The following KNG1 variants were observed in gnomAD, a reference collection of about 807,000 sequenced individuals.
KNG1 encodes the protein kininogen-1.
Under a neutral mutation model 47.8 loss-of-function variants are expected in KNG1, and 23 were observed. That is an observed-to-expected ratio of 0.48 (90% CI 0.35 to 0.68). KNG1 has a LOEUF of 0.68. Among genes scored for constraint, KNG1 ranks in the 30% least tolerant of loss-of-function variants. The pLI is 0.01. For missense variants in KNG1, 762 were observed against 790.2 expected (o/e 0.96, Z 0.43); for synonymous variants, 277 against 277.0 (o/e 1.00, Z 0.00).
intron 5 of KNG1, among the ~76,000 whole-genome samples, chr3:186,730,798 G>A (rs1374235028): frequency 8.7e-6 from 1 of 115,130 alleles, no homozygotes; most frequent in Non-Finnish European, 1.8e-5. Context: ...AAATTAGTAT[G>A]ATACTTATGA....
intron 5 of KNG1, among the ~76,000 whole-genome samples, chr3:186,730,684 ATATAT>A (rs1342533066): frequency 8.0e-5 from 1 of 12,570 alleles, no homozygotes; most frequent in Non-Finnish European, 1.4e-4. Flanking sequence ...AAAAAAAAAA[ATATAT>A]ATATATATAT....
At chr3:186,737,342 C>T (rs145752365) in intron 7 of KNG1, among the ~76,000 whole-genome samples, 128 of 152,178 alleles carry the variant, frequency 8.4e-4, no homozygotes, top group Non-Finnish European at 1.5e-3. Context: ...TTCATACAGA[C>T]ATTGATTCTA....
chr3:186,743,695 A>G lies in KNG1; in HGVS notation c.*1364A>G. 1.2e-6 allele frequency: 2 copies of G among 1,606,426 alleles called. No homozygotes were observed. The highest frequency in any genetic ancestry group is 1.1e-5 in the South Asian group (1 of 90,876). ...AACATCATATTAACTGCGTTTTACT[A>G]TACTTACAGAGTCACCTAAGGTCCT... On this transcript the variant is annotated 3_prime_UTR_variant, in exon 10 of 10. Coordinates refer to ENST00000644859, the MANE Select transcript of KNG1 (RefSeq NM_001102416.3).
At position 186,744,063 on chromosome 3, in the gene KNG1, T is replaced by A. The variant is rs1220134378; in HGVS notation, c.*1732T>A. 2 of 472,772 alleles carry A rather than the reference T, an allele frequency of 4.2e-6. No individual in the cohort carries two copies. The highest frequency in any genetic ancestry group is 3.9e-5 in the African/African-American group (2 of 50,990). The allele number at this position is 472,772 out of a possible 1,614,324, so 29.3% of individuals were successfully genotyped here. ...AGGCTCATAACCCAACACTGGAACATTCCCTAGCCAAGGCAGAAGTCCTTA... is the reference window on the plus strand; with the variant it reads ...AGGCTCATAACCCAACACTGGAACAATCCCTAGCCAAGGCAGAAGTCCTTA... On this transcript the variant is annotated 3_prime_UTR_variant, in exon 10 of 10. Coordinates refer to ENST00000644859, the MANE Select transcript of KNG1 (RefSeq NM_001102416.3).
At chr3:186,739,996 C>G (rs879655067) in intron 9 of KNG1, among the ~76,000 whole-genome samples, 1 of 151,046 alleles carries the variant, frequency 6.6e-6, no homozygotes. Context: ...TGCAGTGAGC[C>G]GAGATCCTGC....
At position 186,717,402 on chromosome 3, in the gene KNG1, A is replaced by T; in HGVS notation, c.-141A>T. On this transcript the variant is annotated 5_prime_UTR_variant, in exon 1 of 10. Coordinates refer to ENST00000644859, the MANE Select transcript of KNG1 (RefSeq NM_001102416.3). Reference sequence around the variant, plus strand: ...AGGCAACTAGCGTCTGGCAGCAGGAATCCAACCAGTGCCCTGAGTTCTGAG... The same window carrying T: ...AGGCAACTAGCGTCTGGCAGCAGGATTCCAACCAGTGCCCTGAGTTCTGAG... 1 of 708,904 alleles carries T rather than the reference A, an allele frequency of 1.4e-6. No individual in the cohort carries two copies. The highest frequency in any genetic ancestry group is 2.5e-6 in the Non-Finnish European group (1 of 399,242). The allele number at this position is 708,904 out of a possible 1,614,324, so 43.9% of individuals were successfully genotyped here.
chr3:186,742,182 A>G lies in KNG1; in HGVS notation c.1786A>G (p.Asn596Asp). 3 of 1,614,076 alleles carry G rather than the reference A, an allele frequency of 1.9e-6. No homozygotes were observed. The highest frequency in any genetic ancestry group is 2.5e-6 in the Non-Finnish European group (3 of 1,179,988). Residue 596 changes from asparagine (N) to aspartate (D), a missense_variant, in exon 10 of 10, where the codon AAT becomes GAT. Physicochemically the swap from Asn to Asp is conservative, Grantham distance 23. Transcript: ENST00000644859. Reference sequence around the variant, plus strand: ...GATCCCTGATATCCAGATAGACCCAAATGGCCTTTCATTTAACCCAATATC... The same window carrying G: ...GATCCCTGATATCCAGATAGACCCAGATGGCCTTTCATTTAACCCAATATC... ...DWIPDIQIDP[N>D]GLSFNPISDF...
rs558413392 is a variant in KNG1, at chr3:186,723,024, A to T, written c.391+503A>T. Among the ~76,000 whole-genome samples, 62 of 152,362 alleles carry T rather than the reference A, an allele frequency of 4.1e-4. No homozygotes were observed. In the South Asian group the frequency reaches 0.011, roughly 26 times the overall value. ...ACTAACATATTAATCATAATAACAT[A>T]TTAGCAACAATCAGGATAAAAGTAA... On this transcript the variant is annotated intron_variant, in intron 3 of 9. Coordinates refer to ENST00000644859, the MANE Select transcript of KNG1 (RefSeq NM_001102416.3).
rs183301699 is a variant in KNG1, at chr3:186,732,748, C to A, written c.930+74C>A. ...ATTGCTGACTAATTTTGCCACTGATCTTGGCTCTGGATTGGGAAACCATAC... is the reference window on the plus strand; with the variant it reads ...ATTGCTGACTAATTTTGCCACTGATATTGGCTCTGGATTGGGAAACCATAC... On this transcript the variant is annotated intron_variant, in intron 7 of 9. Coordinates refer to ENST00000644859, the MANE Select transcript of KNG1 (RefSeq NM_001102416.3). The A allele has an allele frequency of 4.1e-5, 49 of 1,206,094 alleles. No homozygotes were observed. In the African/African-American group the frequency reaches 6.4e-4, roughly 16 times the overall value. 74.7% of individuals were successfully genotyped at this position (1,206,094 alleles called of 1,614,324 possible). A position where few individuals can be genotyped will look rare whatever the true frequency, so the allele number is the denominator to read the frequency against.
At chr3:186,735,450 T>A (rs1720648170) in intron 7 of KNG1, among the ~76,000 whole-genome samples, 1 of 152,060 alleles carries the variant, frequency 6.6e-6, no homozygotes, top group African/African-American at 2.4e-5. Flanking sequence ...AAAAACCATC[T>A]CTACTAAAAA....
intron 3 of KNG1, among the ~76,000 whole-genome samples, chr3:186,723,815 G>A (rs5030008): frequency 2.8e-3 from 420 of 152,048 alleles, no homozygotes; most frequent in African/African-American, 9.4e-3. Context: ...CACCACGCCC[G>A]GATAATTTTT....
chr3:186,740,592 G>A (rs1190003776), intron 9 of KNG1, among the ~76,000 whole-genome samples: 2 of 152,160 alleles, frequency 1.3e-5, no homozygotes, highest in Admixed American at 6.5e-5. Context: ...TCCACAGATC[G>A]ACATATTTGA....
chr3:186,727,419 G>A, intron 5 of KNG1, 75 bp downstream of exon 5: 1 of 953,324 alleles, frequency 1.0e-6, no homozygotes, highest in East Asian at 2.4e-5. Flanking sequence ...AAGCTGGGTG[G>A]GAAGACTGTC....
chr3:186,729,364 G>A (rs569760823), intron 5 of KNG1, among the ~76,000 whole-genome samples: 1 of 152,176 alleles, frequency 6.6e-6, no homozygotes, highest in African/African-American at 2.4e-5. Context: ...TCAAACACGT[G>A]TTTATACATG....
intron 4 of KNG1, among the ~76,000 whole-genome samples, chr3:186,726,316 T>C (rs5030018): frequency 0.028 from 4,115 of 148,774 alleles, 189 homozygotes; most frequent in African/African-American, 0.098. Context: ...AAGAGTCTTG[T>C]TCTGTTGCCC....
intron 6 of KNG1, 100 bp downstream of exon 6, chr3:186,731,729 A>T: frequency 4.0e-6 from 3 of 756,538 alleles, no homozygotes; most frequent in Non-Finnish European, 4.8e-6. Context: ...CCCGTGATAT[A>T]CTCCAAAGTC....
chr3:186,717,674 T>C lies in KNG1; in HGVS notation c.132T>C (p.Tyr44=), dbSNP rs774907645. The C allele has an allele frequency of 1.9e-6, 3 of 1,613,010 alleles. No individual in the cohort carries two copies. Among genetic ancestry groups the C allele is most frequent in the East Asian group, 4.5e-5 (2 of 44,906 alleles). ...FKAVDAALKK[Y]NSQNQSNNQF... ...CTGTGGATGCTGCTCTGAAGAAATATAACAGTCAAAACCAAAGTAACAACC... is the reference window on the plus strand; with the variant it reads ...CTGTGGATGCTGCTCTGAAGAAATACAACAGTCAAAACCAAAGTAACAACC... The change falls in exon 1 of 10, where the codon TAT becomes TAC. Residue 44 remains tyrosine, a synonymous_variant. Transcript: ENST00000644859.
intron 6 of KNG1, among the ~76,000 whole-genome samples, chr3:186,732,165 A>C (rs112022231): frequency 1.3e-5 from 2 of 152,244 alleles, no homozygotes; most frequent in African/African-American, 4.8e-5. Context: ...GAACCATAGC[A>C]CTTAAACTTT....
chr3:186,730,557 G>T (rs1720485264), intron 5 of KNG1, among the ~76,000 whole-genome samples: 1 of 150,254 alleles, frequency 6.7e-6, no homozygotes, highest in Admixed American at 6.7e-5. Flanking sequence ...TTGGGAGGCT[G>T]AGGCAGGAGA....
Sources: allele counts gnomAD v4.1 joint callset (sites outside exome capture counted in the v4.1 genomes callset), GRCh38; gene constraint gnomAD v4.1.1; transcripts MANE v1.5; gene names NCBI Gene and HGNC (gene_info 2026-07-23, HGNC 2026-07-21).